The following PIKFYVE variants were observed in gnomAD, a reference collection of about 807,000 sequenced individuals.
The protein encoded by PIKFYVE is phosphoinositide kinase, FYVE-type zinc finger containing, also known as 1-phosphatidylinositol 3-phosphate 5-kinase.
A neutral mutation model predicts 257.9 loss-of-function variants in PIKFYVE; 122 were observed. That is an observed-to-expected ratio of 0.47 (90% CI 0.41 to 0.55). The LOEUF (loss-of-function observed/expected upper bound fraction) is 0.55, where lower values mean the gene tolerates loss of function less well. Among genes scored for constraint, PIKFYVE ranks in the 20% least tolerant of loss-of-function variants. The pLI, the probability that PIKFYVE is intolerant of heterozygous loss-of-function variation, is 0.00. For synonymous variants in PIKFYVE, 892 were observed against 868.9 expected, an observed-to-expected ratio of 1.03 and a Z score of -0.47; for missense variants, 2,160 against 2,536.6, an observed-to-expected ratio of 0.85 and a Z score of 3.19.
At chr2:208,352,343 GT>G (rs1279636975) in intron 38 of PIKFYVE, among the ~76,000 whole-genome samples, 2 of 151,796 alleles carry the variant, frequency 1.3e-5, no homozygotes, top group Non-Finnish European at 2.9e-5. Flanking sequence ...GAGTTACATA[GT>G]TTTGGGTTTT....
Position 208,335,825 on chromosome 2 carries a change from G to C in PIKFYVE, c.4289G>C (p.Arg1430Thr). 6.2e-7 allele frequency: 1 copy of C among 1,613,078 alleles called. No individual in the cohort carries two copies. ...CAGGTATATGTTGCCATTGATGAAA[G>C]ACTTGCATCTTTGAAAACTGATACA... ...VSQVYVAIDERLASLKTDTFS... is the reference protein window; with the variant it reads ...VSQVYVAIDETLASLKTDTFS... Residue 1430 changes from arginine to threonine, a missense_variant, in exon 26 of 42, where the codon AGA becomes ACA. Coordinates refer to ENST00000264380, the MANE Select transcript of PIKFYVE (RefSeq NM_015040.4).
intron 9 of PIKFYVE, among the ~76,000 whole-genome samples, chr2:208,301,570 A>G (rs368737040): frequency 2.6e-5 from 4 of 152,106 alleles, no homozygotes; most frequent in African/African-American, 9.7e-5. Context: ...CAGATTAGCT[A>G]CTCCTCCTCT....
chr2:208,305,451 G>GA (rs1694208161), intron 12 of PIKFYVE: 1 of 981,588 alleles, frequency 1.0e-6, no homozygotes. Flanking sequence ...TAGATTGGGG[G>GA]AAAATCATTC....
At position 208,350,090 on chromosome 2, in the gene PIKFYVE, A is replaced by G. The variant is rs1017201783; in HGVS notation, c.5434+7A>G. On this transcript the variant is annotated splice_region_variant and intron_variant, in intron 36 of 41. Coordinates refer to ENST00000264380, the MANE Select transcript of PIKFYVE (RefSeq NM_015040.4). Reference sequence around the variant, plus strand: ...AATCCTCATGTGGAACTTCGTAAGTATGAGATATTATATCATTGGTTTGGG... The same window carrying G: ...AATCCTCATGTGGAACTTCGTAAGTGTGAGATATTATATCATTGGTTTGGG... The G allele has an allele frequency of 1.9e-6, 3 of 1,612,468 alleles. No homozygotes were observed. The highest frequency in any genetic ancestry group is 4.5e-5 in the East Asian group (2 of 44,710).
At position 208,326,326 on chromosome 2, in the gene PIKFYVE, A is replaced by T. The variant is rs1247052884; in HGVS notation, c.3515A>T (p.His1172Leu). Reference sequence around the variant, plus strand: ...CCCAAAAATTCAGACCCTTTTGCTCATTCAAAGGATGCATCAAGTACTTCA... The same window carrying T: ...CCCAAAAATTCAGACCCTTTTGCTCTTTCAAAGGATGCATCAAGTACTTCA... ...IQPKNSDPFA[H>L]SKDASSTSSG... The change falls in exon 20 of 42, where the codon CAT becomes CTT. Residue 1172 changes from histidine to leucine, a missense_variant. Transcript: ENST00000264380. The T allele has an allele frequency of 6.2e-7, 1 of 1,612,588 alleles. No individual in the cohort carries two copies. The highest frequency in any genetic ancestry group is 1.1e-5 in the South Asian group (1 of 90,714).
chr2:208,353,828 T>C, intron 39 of PIKFYVE, 70 bp from the exon 40 acceptor site: 1 of 1,571,212 alleles, frequency 6.4e-7, no homozygotes, highest in Non-Finnish European at 8.7e-7. Context: ...CTGCCTTTTT[T>C]ATTTACTTAC....
At chr2:208,314,796 T>C (rs1350804473) in intron 14 of PIKFYVE, among the ~76,000 whole-genome samples, 1 of 151,976 alleles carries the variant, frequency 6.6e-6, no homozygotes, top group East Asian at 1.9e-4. Context: ...ACTCAGAGGC[T>C]GAGACAGGAG....
At chr2:208,307,977 A>G (rs886903636) in intron 12 of PIKFYVE, among the ~76,000 whole-genome samples, 1 of 152,354 alleles carries the variant, frequency 6.6e-6, no homozygotes, top group African/African-American at 2.4e-5. Context: ...TTATAATTGT[A>G]TGTATTTATG....
intron 23 of PIKFYVE, among the ~76,000 whole-genome samples, chr2:208,330,958 A>G (rs1697475087): frequency 6.6e-6 from 1 of 152,114 alleles, no homozygotes; most frequent in Non-Finnish European, 1.5e-5. Context: ...ATCATGACAT[A>G]TCTCAATTTT....
At chr2:208,332,169 G>A (rs1201703364) in intron 23 of PIKFYVE, among the ~76,000 whole-genome samples, 3 of 152,126 alleles carry the variant, frequency 2.0e-5, no homozygotes, top group Non-Finnish European at 2.9e-5. Context: ...CAGAGGACAT[G>A]ACAATGCAAT....
intron 12 of PIKFYVE, among the ~76,000 whole-genome samples, chr2:208,308,383 A>G (rs1027233473): frequency 2.1e-4 from 31 of 144,384 alleles, no homozygotes; most frequent in Non-Finnish European, 4.5e-4. Context: ...CCTCGGTGAC[A>G]GAGTGAGACT....
intron 11 of PIKFYVE, 40 bp from the exon 12 acceptor site, chr2:208,304,806 T>G: frequency 6.3e-7 from 1 of 1,591,524 alleles, no homozygotes; most frequent in Non-Finnish European, 8.6e-7. Context: ...TTTACTCCCC[T>G]CCTCTCCCTA....
chr2:208,323,168 G>C (rs1315782698), intron 17 of PIKFYVE, among the ~76,000 whole-genome samples: 1 of 150,456 alleles, frequency 6.6e-6, no homozygotes, highest in East Asian at 2.0e-4. Context: ...GTGCAGGTTA[G>C]TTACATATGT....
At chr2:208,302,181 C>A in intron 9 of PIKFYVE, 61 bp from the exon 10 acceptor site, 1 of 1,382,166 alleles carries the variant, frequency 7.2e-7, no homozygotes, top group Non-Finnish European at 1.0e-6. Flanking sequence ...TGTGTCTTAT[C>A]TGGTACTTAA....
chr2:208,323,090 T>C (rs1696478599), intron 17 of PIKFYVE, among the ~76,000 whole-genome samples: 1 of 150,748 alleles, frequency 6.6e-6, no homozygotes, highest in South Asian at 2.1e-4. Context: ...TTTTTATTTT[T>C]ATTTTATTTT....
chr2:208,325,190 TAA>T (rs1696777550), intron 19 of PIKFYVE, 78 bp from the exon 20 acceptor site: 3 of 1,555,950 alleles, frequency 1.9e-6, no homozygotes, highest in Non-Finnish European at 2.6e-6. Context: ...TTACAGATAT[TAA>T]GAGAGTGAAT....
intron 23 of PIKFYVE, among the ~76,000 whole-genome samples, chr2:208,331,744 G>A (rs1314194704): frequency 1.3e-5 from 2 of 152,164 alleles, no homozygotes; most frequent in East Asian, 1.9e-4. Context: ...ATAATAGCAC[G>A]ACCTACATTA....
At chr2:208,304,375 T>A (rs1574531530) in intron 11 of PIKFYVE, 57 bp downstream of exon 11, 1 of 1,565,954 alleles carries the variant, frequency 6.4e-7, no homozygotes, top group East Asian at 2.2e-5. Flanking sequence ...GTATGTATGA[T>A]AAAATGATTA....
chr2:208,335,754 C>A, intron 25 of PIKFYVE, 39 bp from the exon 26 acceptor site: 2 of 1,450,262 alleles, frequency 1.4e-6, no homozygotes, highest in South Asian at 1.2e-5. Context: ...AAATTTGATT[C>A]ACCCTTTCTA....
Sources: gnomAD v4.1 joint callset for allele counts (sites outside exome capture counted in the v4.1 genomes callset) on GRCh38, gnomAD v4.1.1 for gene constraint, MANE v1.5 for transcripts, NCBI Gene and HGNC (gene_info 2026-07-23, HGNC 2026-07-21) for gene names.